The following GPHN variants were observed in gnomAD, a reference collection of about 807,000 sequenced individuals.
GPHN encodes the protein gephyrin.
Under a neutral mutation model 95.5 loss-of-function variants are expected in GPHN, and 17 were observed. The ratio of observed to expected loss-of-function variants is 0.18; its 90% CI spans 0.12 to 0.27. The LOEUF (loss-of-function observed/expected upper bound fraction) is 0.27. GPHN is among the 10% of genes least tolerant of loss of function. The pLI is 1.00. For synonymous variants in GPHN, 320 were observed against 322.5 expected, an observed-to-expected ratio of 0.99 and a Z score of 0.08; for missense variants, 660 against 978.1, an observed-to-expected ratio of 0.67 and a Z score of 4.34.
intron 1 of GPHN, among the ~76,000 whole-genome samples, chr14:66,579,060 A>T (rs1328776983): frequency 4.0e-5 from 6 of 151,884 alleles, no homozygotes; most frequent in African/African-American, 1.4e-4. Context: ...AAATTTTGAC[A>T]TCAGTAACAA....
the GPHN span, among the ~76,000 whole-genome samples, chr14:67,632,116 G>T: frequency 6.6e-6 from 1 of 152,032 alleles, no homozygotes; most frequent in Non-Finnish European, 1.5e-5. Context: ...CAAACTCCTA[G>T]ACTCAAGCAA....
intron 3 of GPHN, among the ~76,000 whole-genome samples, chr14:66,801,355 A>C (rs1488018340): frequency 1.3e-5 from 2 of 152,106 alleles, no homozygotes; most frequent in Non-Finnish European, 1.5e-5. Context: ...AGGCTTTCCA[A>C]ATATTATGAA....
chr14:67,620,039 A>G, the GPHN span: 2 of 1,612,176 alleles, frequency 1.2e-6, no homozygotes, highest in Non-Finnish European at 1.7e-6. Flanking sequence ...ATCCTGAAGA[A>G]ATCCGTCCAC....
intron 6 of GPHN, among the ~76,000 whole-genome samples, chr14:66,921,471 G>A (rs1446032124): frequency 8.8e-6 from 1 of 113,570 alleles, no homozygotes; most frequent in Non-Finnish European, 1.8e-5. Context: ...TTACTGATTT[G>A]TTTGAGTTCG....
At chr14:66,714,795 T>C (rs1199889931) in intron 2 of GPHN, among the ~76,000 whole-genome samples, 2 of 152,236 alleles carry the variant, frequency 1.3e-5, no homozygotes, top group East Asian at 3.8e-4. Context: ...CTTGTGTATG[T>C]TAAACCATCC....
intron 2 of GPHN, among the ~76,000 whole-genome samples, chr14:66,710,323 C>T (rs1226334516): frequency 1.1e-4 from 17 of 151,838 alleles, no homozygotes; most frequent in Non-Finnish European, 2.5e-4. Context: ...AAATATGTTC[C>T]AAGGCGTGGA....
chr14:66,885,045 T>C (rs192091857), intron 5 of GPHN, among the ~76,000 whole-genome samples: 1 of 151,932 alleles, frequency 6.6e-6, no homozygotes, highest in East Asian at 1.9e-4. Context: ...AAAGAAAAAT[T>C]TCAGGAAATA....
chr14:67,162,995 A>G (rs2082054849), intron 19 of GPHN, among the ~76,000 whole-genome samples: 1 of 152,230 alleles, frequency 6.6e-6, no homozygotes, highest in African/African-American at 2.4e-5. Flanking sequence ...AATGTGATAC[A>G]TAGATGTTAC....
the GPHN span, chr14:67,724,594 A>G: frequency 8.1e-6 from 13 of 1,607,910 alleles, no homozygotes; most frequent in African/African-American, 1.5e-4. Context: ...TAGCCGAGGT[A>G]AGTGTTTCCC....
the GPHN span, chr14:67,384,445 A>G: frequency 2.6e-5 from 4 of 152,050 alleles, no homozygotes; most frequent in Admixed American, 6.5e-5. Flanking sequence ...TAGGTAACAC[A>G]TTATTTGAAG....
intron 2 of GPHN, among the ~76,000 whole-genome samples, chr14:66,683,329 AATATATATATAT>A (rs59011754): frequency 1.6e-3 from 13 of 7,926 alleles, no homozygotes; most frequent in South Asian, 6.3e-3. Flanking sequence ...CCAATGTGGA[AATATATATATAT>A]ATATATATAT....
At chr14:67,586,445 T>C in the GPHN span, 6 of 1,305,460 alleles carry the variant, frequency 4.6e-6, no homozygotes, top group East Asian at 1.0e-4. Context: ...GCAGGGCAGA[T>C]TCCTCTTTAA....
At chr14:67,620,636 G>A in the GPHN span, among the ~76,000 whole-genome samples, 2 of 152,028 alleles carry the variant, frequency 1.3e-5, no homozygotes, top group African/African-American at 4.8e-5. Context: ...CAGTCATCTC[G>A]AAGCCCAGAA....
intron 4 of GPHN, among the ~76,000 whole-genome samples, chr14:66,831,505 A>AT (rs2061577352): frequency 6.6e-6 from 1 of 152,168 alleles, no homozygotes; most frequent in Admixed American, 6.5e-5. Flanking sequence ...GCTCATCCTA[A>AT]TTTTATGAAA....
intron 12 of GPHN, among the ~76,000 whole-genome samples, chr14:67,090,825 T>A (rs1002876009): frequency 4.6e-5 from 7 of 152,024 alleles, no homozygotes; most frequent in Non-Finnish European, 1.0e-4. Flanking sequence ...CTCACTTAAA[T>A]TTTTTAGCTT....
chr14:67,059,013 G>GAAA, intron 11 of GPHN: 1 of 403,920 alleles, frequency 2.5e-6, no homozygotes, highest in Admixed American at 4.4e-5. Flanking sequence ...ATTAAAAAAA[G>GAAA]GAAAAAAAAA....
chr14:66,955,619 TA>T (rs1413044943), intron 8 of GPHN, among the ~76,000 whole-genome samples: 4 of 152,234 alleles, frequency 2.6e-5, no homozygotes, highest in African/African-American at 9.6e-5. Context: ...GTTACATATG[TA>T]TACATGTGCC....
the GPHN span, among the ~76,000 whole-genome samples, chr14:67,543,577 G>C: frequency 6.6e-6 from 1 of 152,148 alleles, no homozygotes; most frequent in Non-Finnish European, 1.5e-5. Flanking sequence ...CTCCTGGGGG[G>C]TTGCTAATAA....
At chr14:66,529,875 C>G (rs1013929861) in intron 1 of GPHN, among the ~76,000 whole-genome samples, 1 of 152,194 alleles carries the variant, frequency 6.6e-6, no homozygotes, top group African/African-American at 2.4e-5. Flanking sequence ...AGATGCCAGC[C>G]AGAGCTCTCC....
Sources: allele counts gnomAD v4.1 joint callset (sites outside exome capture counted in the v4.1 genomes callset), GRCh38; gene constraint gnomAD v4.1.1; transcripts MANE v1.5; gene names NCBI Gene and HGNC (gene_info 2026-07-23, HGNC 2026-07-21).